The following SDK1 variants were observed in gnomAD, a reference collection of about 807,000 sequenced individuals.
SDK1 encodes the protein sidekick cell adhesion molecule 1.
Under a neutral mutation model 245.5 loss-of-function variants are expected in SDK1, and 157 were observed. That is an observed-to-expected ratio of 0.64 (90% CI 0.56 to 0.73). SDK1 has a LOEUF of 0.73. Ranked by LOEUF, SDK1 falls within the 30% of genes least tolerant of loss-of-function variation. The pLI is 0.00. For synonymous variants in SDK1, 1,647 were observed against 1,278.5 expected (o/e 1.29, Z -6.15); for missense variants, 3,583 against 3,002.3 (o/e 1.19, Z -4.52).
chr7:3,406,600 A>G (rs1185921556), intron 1 of SDK1, among the ~76,000 whole-genome samples: 4 of 152,186 alleles, frequency 2.6e-5, no homozygotes, highest in African/African-American at 7.2e-5. Flanking sequence ...GAAACATCAT[A>G]CTGAAAACAC....
intron 4 of SDK1, among the ~76,000 whole-genome samples, chr7:3,714,732 A>G (rs961888442): frequency 3.9e-5 from 6 of 152,226 alleles, no homozygotes; most frequent in African/African-American, 1.2e-4. Flanking sequence ...ACAAGTTTCC[A>G]TGCTTGAAGC....
At chr7:3,464,036 C>T (rs542141115) in intron 1 of SDK1, among the ~76,000 whole-genome samples, 2 of 152,284 alleles carry the variant, frequency 1.3e-5, no homozygotes, top group East Asian at 3.9e-4. Flanking sequence ...TAGCTTTAAT[C>T]TAAAAATAAT....
chr7:3,376,327 C>T (rs1781354289), intron 1 of SDK1, among the ~76,000 whole-genome samples: 1 of 152,122 alleles, frequency 6.6e-6, no homozygotes, highest in Non-Finnish European at 1.5e-5. Context: ...AATATGCAAT[C>T]CCCAAGCCAT....
At chr7:4,102,920 T>G (rs1255639349) in intron 22 of SDK1, among the ~76,000 whole-genome samples, 1 of 139,696 alleles carries the variant, frequency 7.2e-6, no homozygotes, top group African/African-American at 2.7e-5. Flanking sequence ...GTCCGAAATA[T>G]CATAAAGTAC....
intron 1 of SDK1, among the ~76,000 whole-genome samples, chr7:3,545,320 G>T (rs1036293187): frequency 1.3e-5 from 2 of 152,122 alleles, no homozygotes; most frequent in African/African-American, 4.8e-5. Context: ...AAACATTTTG[G>T]CAGGCGGTCA....
intron 35 of SDK1, 26 bp downstream of exon 35, chr7:4,178,612 A>C: frequency 6.5e-7 from 1 of 1,538,572 alleles, no homozygotes; most frequent in Non-Finnish European, 8.9e-7. Flanking sequence ...CCCCAACCCC[A>C]CTGCCAGAGA....
chr7:4,154,906 T>C (rs1309164045), intron 30 of SDK1, among the ~76,000 whole-genome samples: 3 of 151,808 alleles, frequency 2.0e-5, no homozygotes, highest in Admixed American at 6.5e-5. Flanking sequence ...CCCTTTATCA[T>C]GGAGTCACCA....
chr7:4,030,044 G>C (rs891622832), intron 17 of SDK1, among the ~76,000 whole-genome samples: 2 of 152,146 alleles, frequency 1.3e-5, no homozygotes, highest in Admixed American at 1.3e-4. Flanking sequence ...TGGATGACAG[G>C]TTTCCAGATC....
At chr7:3,351,142 A>G (rs1460351609) in intron 1 of SDK1, among the ~76,000 whole-genome samples, 2 of 152,220 alleles carry the variant, frequency 1.3e-5, no homozygotes, top group Non-Finnish European at 2.9e-5. Flanking sequence ...TGTCATTTTT[A>G]ATGGGCAGCC....
At chr7:4,220,342 A>C (rs1287944767) in intron 39 of SDK1, 72 bp downstream of exon 39, 2 of 1,507,942 alleles carry the variant, frequency 1.3e-6, no homozygotes, top group Non-Finnish European at 1.8e-6. Context: ...CACTGAGCTG[A>C]GATCCATCTA....
intron 1 of SDK1, among the ~76,000 whole-genome samples, chr7:3,561,376 A>G (rs1055381762): frequency 6.6e-6 from 1 of 152,212 alleles, no homozygotes; most frequent in Non-Finnish European, 1.5e-5. Flanking sequence ...TGAAGAAAAG[A>G]AAGACACTGT....
chr7:3,580,002 C>T (rs1316927608), intron 1 of SDK1, among the ~76,000 whole-genome samples: 4 of 152,128 alleles, frequency 2.6e-5, no homozygotes, highest in African/African-American at 9.7e-5. Context: ...CCAACAACAT[C>T]CAAGCTGAGA....
At chr7:3,326,433 T>C (rs1779942642) in intron 1 of SDK1, among the ~76,000 whole-genome samples, 1 of 152,194 alleles carries the variant, frequency 6.6e-6, no homozygotes, top group Non-Finnish European at 1.5e-5. Flanking sequence ...CTGATATCAC[T>C]AGACATTGAA....
chr7:4,072,238 G>A (rs1294648722), intron 20 of SDK1, among the ~76,000 whole-genome samples: 1 of 152,204 alleles, frequency 6.6e-6, no homozygotes, highest in Non-Finnish European at 1.5e-5. Flanking sequence ...GTTTGGAGGT[G>A]CCTGTGCTGT....
At chr7:3,602,527 G>GT (rs1243138686) in intron 1 of SDK1, among the ~76,000 whole-genome samples, 1 of 151,934 alleles carries the variant, frequency 6.6e-6, no homozygotes, top group African/African-American at 2.4e-5. Flanking sequence ...GGGGTTGTTT[G>GT]TTTTTTTCTT....
At chr7:3,523,356 A>G (rs1347026787) in intron 1 of SDK1, among the ~76,000 whole-genome samples, 2 of 152,204 alleles carry the variant, frequency 1.3e-5, no homozygotes, top group South Asian at 2.1e-4. Context: ...CTTCTAACCT[A>G]GTGGAGGTGA....
At chr7:3,350,715 A>G (rs539913740) in intron 1 of SDK1, among the ~76,000 whole-genome samples, 5 of 152,204 alleles carry the variant, frequency 3.3e-5, no homozygotes, top group African/African-American at 7.2e-5. Context: ...TTTTCCTTCT[A>G]CAGTCACCAA....
chr7:4,259,601 A>G lies in SDK1; in HGVS notation c.6382-5523A>G, dbSNP rs950174477. On this transcript the variant is annotated intron_variant, in intron 44 of 44. Coordinates refer to ENST00000404826, the MANE Select transcript of SDK1 (RefSeq NM_152744.4). Reference sequence around the variant, plus strand: ...AGGGCCGGGCCAGCGCTTGGCGACCAAACACATTGGTCTTCTTGTAGCAGA... The same window carrying G: ...AGGGCCGGGCCAGCGCTTGGCGACCGAACACATTGGTCTTCTTGTAGCAGA... Among the ~76,000 whole-genome samples the G allele has an allele frequency of 3.9e-5, 6 of 152,342 alleles. 1 individual carries two copies. Among genetic ancestry groups the G allele is most frequent in the Admixed American group, 3.3e-4 (5 of 15,296 alleles).
chr7:4,041,493 T>A (rs12155078), intron 17 of SDK1, among the ~76,000 whole-genome samples: 36,026 of 151,872 alleles, frequency 0.24, 5,960 homozygotes, highest in African/African-American at 0.48. Context: ...GGTTCACGCT[T>A]GGCACTGTGC....
Sources: allele counts gnomAD v4.1 joint callset (sites outside exome capture counted in the v4.1 genomes callset), GRCh38; gene constraint gnomAD v4.1.1; transcripts MANE v1.5; gene names NCBI Gene and HGNC (gene_info 2026-07-23, HGNC 2026-07-21).